Variants in C1orf198 observed in about 807,000 individuals in gnomAD.
The protein encoded by C1orf198 is chromosome 1 open reading frame 198.
A neutral mutation model predicts 31.4 loss-of-function variants in C1orf198; 17 were observed. The ratio of observed to expected loss-of-function variants is 0.54; its 90% CI spans 0.37 to 0.81. The LOEUF (loss-of-function observed/expected upper bound fraction) is 0.81. Ranked by LOEUF, C1orf198 falls within the 40% of genes least tolerant of loss-of-function variation. C1orf198 has a pLI of 0.00. For missense variants in C1orf198, 401 were observed against 450.3 expected (o/e 0.89, Z 0.99); for synonymous variants, 175 against 193.8 (o/e 0.90, Z 0.81).
Position 230,839,792 on chromosome 1 carries a change from C to T in C1orf198, c.*60G>A. 1 of 1,490,398 alleles carries T rather than the reference C, an allele frequency of 6.7e-7. No individual in the cohort carries two copies. Among genetic ancestry groups the T allele is most frequent in the Non-Finnish European group, 9.3e-7 (1 of 1,080,846 alleles). 92.3% of individuals were successfully genotyped at this position (1,490,398 alleles called of 1,614,324 possible). On this transcript the variant is annotated 3_prime_UTR_variant, in exon 4 of 4. Coordinates refer to ENST00000366663, the MANE Select transcript of C1orf198 (RefSeq NM_032800.3). ...GGAAAAGGTGGCCCTTTTTATCCTCCTCCACCACACCACTTTGGAAAACAT... is the reference window on the plus strand; with the variant it reads ...GGAAAAGGTGGCCCTTTTTATCCTCTTCCACCACACCACTTTGGAAAACAT...
chr1:230,865,414 A>G (rs1670097268), intron 1 of C1orf198, among the ~76,000 whole-genome samples: 2 of 152,150 alleles, frequency 1.3e-5, no homozygotes, highest in Admixed American at 1.3e-4. Flanking sequence ...ACACGTGGGG[A>G]TTTTTAAAGG....
intron 1 of C1orf198, chr1:230,855,964 G>A: frequency 7.7e-7 from 1 of 1,302,124 alleles, no homozygotes. Flanking sequence ...GGGAATGCCG[G>A]TGAGGCCCCC....
chr1:230,850,745 C>T (rs921521007), intron 2 of C1orf198, among the ~76,000 whole-genome samples: 5 of 151,570 alleles, frequency 3.3e-5, no homozygotes, highest in African/African-American at 1.2e-4. Context: ...GCACAGAGAC[C>T]AAGTTGCGGG....
At chr1:230,854,090 C>T (rs187972412) in intron 2 of C1orf198, among the ~76,000 whole-genome samples, 27 of 152,298 alleles carry the variant, frequency 1.8e-4, no homozygotes, top group Non-Finnish European at 1.3e-4. Flanking sequence ...CAGATGTTCT[C>T]GTGGGGAACA....
rs1022095889 is a variant in C1orf198, at chr1:230,843,972, C to T, written c.385-76G>A. 8 of 1,411,940 alleles carry T rather than the reference C, an allele frequency of 5.7e-6. No individual in the cohort carries two copies. Among genetic ancestry groups the T allele is most frequent in the Non-Finnish European group, 5.7e-6 (6 of 1,056,498 alleles). 87.5% of individuals were successfully genotyped at this position (1,411,940 alleles called of 1,614,324 possible). ...CGACCGTCACAAGTGTGCCAGCTCA[C>T]GCACCCCTCCTCAGCATAAGGACGC... On this transcript the variant is annotated intron_variant, in intron 2 of 3. Coordinates refer to ENST00000366663, the MANE Select transcript of C1orf198 (RefSeq NM_032800.3). The surrounding 1 kb of genome is among the most constrained non-coding windows in gnomAD (Gnocchi z 4.9).
chr1:230,849,616 G>T (rs1387532648), intron 2 of C1orf198, among the ~76,000 whole-genome samples: 1 of 152,224 alleles, frequency 6.6e-6, no homozygotes, highest in African/African-American at 2.4e-5. Flanking sequence ...CCACAACCGA[G>T]CCCAGTGTCT....
chr1:230,851,806 A>C (rs1169904764), intron 2 of C1orf198, among the ~76,000 whole-genome samples: 1 of 152,224 alleles, frequency 6.6e-6, no homozygotes, highest in Admixed American at 6.5e-5. Flanking sequence ...GTGAGGCTGC[A>C]GCGAGCTCTC....
At chr1:230,861,773 C>T (rs754589603) in intron 1 of C1orf198, among the ~76,000 whole-genome samples, 23 of 152,180 alleles carry the variant, frequency 1.5e-4, no homozygotes, top group Admixed American at 6.5e-5. Flanking sequence ...TTAGGGCCTC[C>T]ACAAGCTGTT....
At chr1:230,856,971 C>T (rs749334477) in intron 1 of C1orf198, among the ~76,000 whole-genome samples, 4 of 152,162 alleles carry the variant, frequency 2.6e-5, no homozygotes, top group Admixed American at 2.0e-4. Context: ...ACAGAGCCTC[C>T]GCCACCCTAG....
intron 2 of C1orf198, among the ~76,000 whole-genome samples, chr1:230,849,413 C>T (rs1183784514): frequency 6.6e-6 from 1 of 152,166 alleles, no homozygotes; most frequent in Admixed American, 6.5e-5. Context: ...GTCTTTGAGA[C>T]AGGGGAGATA....
chr1:230,847,230 G>C (rs1397531318), intron 2 of C1orf198, among the ~76,000 whole-genome samples: 2 of 133,080 alleles, frequency 1.5e-5, no homozygotes, highest in Non-Finnish European at 3.2e-5. Context: ...AGTGAGCCGA[G>C]ATCGCGCCAC....
intron 2 of C1orf198, among the ~76,000 whole-genome samples, chr1:230,853,546 G>A (rs1176444081): frequency 2.0e-5 from 3 of 152,136 alleles, no homozygotes; most frequent in African/African-American, 7.2e-5. Context: ...TGCTCTCTGA[G>A]ATACGCTCTA....
At chr1:230,867,204 G>A (rs533658371) in intron 1 of C1orf198, among the ~76,000 whole-genome samples, 1 of 152,084 alleles carries the variant, frequency 6.6e-6, no homozygotes, top group East Asian at 1.9e-4. Context: ...TGCTCCTCAC[G>A]GCAAAAGTTG....
chr1:230,849,234 G>A (rs576054642), intron 2 of C1orf198, among the ~76,000 whole-genome samples: 7 of 152,342 alleles, frequency 4.6e-5, no homozygotes, highest in African/African-American at 1.7e-4. Context: ...CTTGAGAAAG[G>A]AGGTCATGCC....
rs1056704494 is a variant in C1orf198 at position 230,837,891 on chromosome 1, G to A, written c.*1961C>T. 10 of 152,238 alleles carry A rather than the reference G, an allele frequency of 6.6e-5. No individual in the cohort carries two copies. The highest frequency in any genetic ancestry group is 2.4e-4 in the African/African-American group (10 of 41,460). 9.4% of individuals were successfully genotyped at this position (152,238 alleles called of 1,614,324 possible). On this transcript the variant is annotated 3_prime_UTR_variant, in exon 4 of 4. Coordinates refer to ENST00000366663, the MANE Select transcript of C1orf198 (RefSeq NM_032800.3). ...CCCTCAGCACCAAGAAGAACTTGGA[G>A]GGAATATTGGGCTTGTTGAGAAAGT... is the stretch of plus-strand genomic sequence containing the variant.
chr1:230,865,085 T>C (rs985291448), intron 1 of C1orf198, among the ~76,000 whole-genome samples: 8 of 152,302 alleles, frequency 5.3e-5, no homozygotes, highest in Admixed American at 3.3e-4. Flanking sequence ...GGACCCAAAG[T>C]GCACGGCCCC....
At position 230,838,059 on chromosome 1, in the gene C1orf198, C is replaced by T. The variant is rs571408604; in HGVS notation, c.*1793G>A. The T allele has an allele frequency of 6.6e-6, 1 of 152,388 alleles. No individual in the cohort carries two copies. Among genetic ancestry groups the T allele is most frequent in the East Asian group, 1.9e-4 (1 of 5,178 alleles). 9.4% of individuals were successfully genotyped at this position (152,388 alleles called of 1,614,324 possible). ...ACATTTGCTACCATAGGTTCTACAA[C>T]AGCCCCATGCCCTCCAGGCAGAAGG... On this transcript the variant is annotated 3_prime_UTR_variant, in exon 4 of 4. Coordinates refer to ENST00000366663, the MANE Select transcript of C1orf198 (RefSeq NM_032800.3). This position sits in a 1 kb window ranked among gnomAD's most constrained non-coding sequence, Gnocchi z 4.2.
At chr1:230,865,058 G>A (rs900404688) in intron 1 of C1orf198, among the ~76,000 whole-genome samples, 3 of 152,324 alleles carry the variant, frequency 2.0e-5, no homozygotes, top group Non-Finnish European at 2.9e-5. Flanking sequence ...CTGCCTTAAT[G>A]TTCTTACCAA....
At chr1:230,841,502 A>G (rs994243457) in intron 3 of C1orf198, among the ~76,000 whole-genome samples, 4 of 152,248 alleles carry the variant, frequency 2.6e-5, no homozygotes, top group African/African-American at 7.2e-5. Context: ...TTCTCCAAAG[A>G]AGATACACAG....
Sources: gnomAD v4.1 joint callset for allele counts (sites outside exome capture counted in the v4.1 genomes callset) on GRCh38, gnomAD v4.1.1 for gene constraint, Gnocchi (gnomAD v3.1) non-coding constraint, MANE v1.5 for transcripts, NCBI Gene and HGNC (gene_info 2026-07-23, HGNC 2026-07-21) for gene names.